The following WDPCP variants were observed in gnomAD, a reference collection of about 807,000 sequenced individuals.
WDPCP encodes the protein WD repeat containing planar cell polarity effector, also known as WD repeat-containing and planar cell polarity effector protein fritz homolog.
WDPCP carries 71 observed loss-of-function variants against 93.1 expected under a neutral mutation model. That is an observed-to-expected ratio of 0.76 (90% CI 0.63 to 0.93). The LOEUF (loss-of-function observed/expected upper bound fraction) is 0.93. Among genes scored for constraint, WDPCP ranks in the 40% least tolerant of loss-of-function variants. The pLI, the probability that WDPCP is intolerant of heterozygous loss-of-function variation, is 0.00. For missense variants in WDPCP, 844 were observed against 887.4 expected (o/e 0.95, Z 0.62); for synonymous variants, 315 against 315.0 (o/e 1.00, Z 0.00).
At chr2:63,474,018 T>C (rs1016637666) in intron 6 of WDPCP, among the ~76,000 whole-genome samples, 19 of 152,258 alleles carry the variant, frequency 1.2e-4, no homozygotes, top group South Asian at 6.2e-4. Context: ...GGAGACATAA[T>C]AGCTATCTCT....
chr2:63,749,810 C>G (rs917756526), intron 2 of WDPCP, among the ~76,000 whole-genome samples: 1 of 151,976 alleles, frequency 6.6e-6, no homozygotes, highest in African/African-American at 2.4e-5. Context: ...TTGTTGTTTT[C>G]TTAAAAAAGG....
At chr2:63,607,024 G>C (rs1709546754) in intron 3 of WDPCP, 1 of 1,576,214 alleles carries the variant, frequency 6.3e-7, no homozygotes, top group East Asian at 2.3e-5. Context: ...CAAAGCTGAA[G>C]AATCTAAATG....
chr2:63,701,856 G>A (rs1044570812), intron 2 of WDPCP, among the ~76,000 whole-genome samples: 1 of 152,134 alleles, frequency 6.6e-6, no homozygotes, highest in Non-Finnish European at 1.5e-5. Context: ...GAAAGGGTGG[G>A]GTGAGGGGGA....
At chr2:63,567,764 C>A (rs1707183938) in intron 1 of WDPCP, among the ~76,000 whole-genome samples, 1 of 151,900 alleles carries the variant, frequency 6.6e-6, no homozygotes, top group East Asian at 1.9e-4. Context: ...GATCTTTATT[C>A]TCTGTTAGAC....
rs776746581 is a variant in WDPCP, at chr2:63,492,807, T to G, written c.160+49A>C. 5.9e-6 allele frequency: 9 copies of G among 1,523,192 alleles called. No homozygotes were observed. In the South Asian group the frequency reaches 9.0e-5, roughly 15 times the overall value. The allele number at this position is 1,523,192 out of a possible 1,614,324, so 94.4% of individuals were successfully genotyped here. A position where few individuals can be genotyped will look rare whatever the true frequency, so the allele number is the denominator to read the frequency against. ...AACCTTTGCTAGTACTTATTTATAA[T>G]GGTGTAACATATTTGAAAAATATTG... On this transcript the variant is annotated intron_variant, in intron 2 of 17. Coordinates refer to ENST00000272321, the MANE Select transcript of WDPCP (RefSeq NM_015910.7).
chr2:63,657,404 C>T (rs1045139005), intron 2 of WDPCP, among the ~76,000 whole-genome samples: 2 of 152,012 alleles, frequency 1.3e-5, no homozygotes, highest in African/African-American at 2.4e-5. Context: ...GACGGGGTTT[C>T]ACCGTGTTAG....
At chr2:63,478,604 T>C (rs1700094677) in intron 6 of WDPCP, among the ~76,000 whole-genome samples, 2 of 152,096 alleles carry the variant, frequency 1.3e-5, no homozygotes, top group South Asian at 2.1e-4. Context: ...GAAATCAAGA[T>C]GGAAATTTAA....
At chr2:63,473,912 G>A (rs1321590575) in intron 6 of WDPCP, among the ~76,000 whole-genome samples, 2 of 152,046 alleles carry the variant, frequency 1.3e-5, no homozygotes. Flanking sequence ...GTGACTAAGG[G>A]CATGAACTTT....
intron 6 of WDPCP, among the ~76,000 whole-genome samples, chr2:63,467,924 TGTGA>T (rs1233783439): frequency 6.6e-6 from 1 of 152,194 alleles, no homozygotes; most frequent in African/African-American, 2.4e-5. Context: ...TGTAAATCTT[TGTGA>T]GTGTGATGGC....
intron 11 of WDPCP, among the ~76,000 whole-genome samples, chr2:63,379,432 G>A (rs1044586209): frequency 6.6e-6 from 1 of 152,092 alleles, no homozygotes; most frequent in Admixed American, 6.6e-5. Flanking sequence ...TAAGCTGTTA[G>A]TAATTTCTTT....
intron 2 of WDPCP, among the ~76,000 whole-genome samples, chr2:63,662,082 A>C (rs114818163): frequency 0.012 from 1,784 of 152,300 alleles, 14 homozygotes; most frequent in Non-Finnish European, 0.014. Context: ...TAATCTTTTC[A>C]TGTTAAATAC....
chr2:63,649,204 G>A (rs995747893), intron 3 of WDPCP, among the ~76,000 whole-genome samples: 3 of 152,046 alleles, frequency 2.0e-5, no homozygotes, highest in Non-Finnish European at 2.9e-5. Context: ...CCATCCCTTG[G>A]TGGATGGGGA....
intron 2 of WDPCP, among the ~76,000 whole-genome samples, chr2:63,749,506 C>G (rs368325186): frequency 6.6e-6 from 1 of 151,896 alleles, no homozygotes; most frequent in Non-Finnish European, 1.5e-5. Context: ...TTTTCATATT[C>G]GATACACGAG....
intron 8 of WDPCP, among the ~76,000 whole-genome samples, 181 bp from the exon 9 acceptor site, chr2:63,434,117 A>G (rs1453468132): frequency 1.3e-5 from 2 of 152,224 alleles, no homozygotes; most frequent in Admixed American, 1.3e-4. Context: ...TAAAAAAGAC[A>G]TATGTTCAAA....
At chr2:63,157,885 C>T (rs986223876) in intron 15 of WDPCP, among the ~76,000 whole-genome samples, 3 of 151,574 alleles carry the variant, frequency 2.0e-5, no homozygotes, top group African/African-American at 7.3e-5. Context: ...TTATTATTTC[C>T]TTTCTTCTGC....
intron 9 of WDPCP, among the ~76,000 whole-genome samples, chr2:63,427,623 C>T (rs553890956): frequency 3.8e-4 from 58 of 152,152 alleles, no homozygotes; most frequent in African/African-American, 1.3e-3. Flanking sequence ...GCCTACATCA[C>T]GAAGTTAGAA....
intron 1 of WDPCP, among the ~76,000 whole-genome samples, chr2:63,567,088 T>G (rs1707128416): frequency 6.6e-6 from 1 of 152,170 alleles, no homozygotes; most frequent in South Asian, 2.1e-4. Context: ...CTCCCAGCAC[T>G]GCAATGTGTT....
chr2:63,504,965 T>C (rs1461692979), intron 1 of WDPCP, among the ~76,000 whole-genome samples: 1 of 152,066 alleles, frequency 6.6e-6, no homozygotes, highest in African/African-American at 2.4e-5. Flanking sequence ...TTATGGCCGA[T>C]TGGTCAATAA....
At chr2:63,397,701 A>G (rs138326526) in intron 10 of WDPCP, among the ~76,000 whole-genome samples, 1 of 152,328 alleles carries the variant, frequency 6.6e-6, no homozygotes, top group East Asian at 1.9e-4. Flanking sequence ...TCATCAAACA[A>G]TGTAAGAGAC....
Sources: gnomAD v4.1 joint callset for allele counts (sites outside exome capture counted in the v4.1 genomes callset) on GRCh38, gnomAD v4.1.1 for gene constraint, MANE v1.5 for transcripts, NCBI Gene and HGNC (gene_info 2026-07-23, HGNC 2026-07-21) for gene names.